Variants in GRM7 observed in about 807,000 individuals in gnomAD.
GRM7 encodes the protein glutamate metabotropic receptor 7, also known as metabotropic glutamate receptor 7.
A neutral mutation model predicts 84.5 loss-of-function variants in GRM7; 35 were observed. The observed-to-expected ratio is 0.41, with a 90% confidence interval of 0.32 to 0.55. GRM7 has a LOEUF of 0.55. Among genes scored for constraint, GRM7 ranks in the 20% least tolerant of loss-of-function variants. The probability of loss-of-function intolerance (pLI) is 0.19; values close to 1 mark genes in which losing one functional copy is unlikely to be tolerated. For missense variants in GRM7, 1,003 were observed against 1,194.6 expected (o/e 0.84, Z 2.36); for synonymous variants, 487 against 455.1 (o/e 1.07, Z -0.89).
intron 2 of GRM7, among the ~76,000 whole-genome samples, chr3:7,263,765 G>A (rs1350492813): frequency 6.6e-6 from 1 of 152,092 alleles, no homozygotes; most frequent in Non-Finnish European, 1.5e-5. Context: ...GACAGGGCTG[G>A]TGCTCTCTAT....
chr3:7,592,604 T>C (rs1448115736), intron 8 of GRM7, among the ~76,000 whole-genome samples: 1 of 152,198 alleles, frequency 6.6e-6, no homozygotes, highest in African/African-American at 2.4e-5. Flanking sequence ...AGGCACAGCA[T>C]GATCTGACAG....
chr3:6,981,550 T>C (rs1298428352), intron 1 of GRM7, among the ~76,000 whole-genome samples: 1 of 152,180 alleles, frequency 6.6e-6, no homozygotes, highest in African/African-American at 2.4e-5. Flanking sequence ...TTACTGAGTG[T>C]CCTGCGGTTC....
chr3:7,081,613 G>A (rs1212165797), intron 1 of GRM7, among the ~76,000 whole-genome samples: 1 of 152,028 alleles, frequency 6.6e-6, no homozygotes, highest in Admixed American at 6.6e-5. Flanking sequence ...TAAATCAACA[G>A]CTAGAAATGA....
Position 7,306,642 on chromosome 3 carries a change from C to G in GRM7, c.1023C>G (p.Ala341=), listed in dbSNP as rs375820498. ...EGAITIQPKR[A]TVEGFDAYFT... is the part of the protein sequence containing the mutation. ...CCATCACCATTCAGCCCAAGCGAGC[C>G]ACGGTGGAAGGTATGGGTTTCATCA... The change falls in exon 4 of 10, where the codon GCC becomes GCG. Residue 341 remains alanine (A), a synonymous_variant. Coordinates refer to ENST00000357716, the MANE Select transcript of GRM7 (RefSeq NM_000844.4). The G allele has an allele frequency of 1.2e-5, 20 of 1,602,626 alleles. No individual in the cohort carries two copies. The African/African-American group carries it at 1.9e-4, about 15-fold the overall frequency.
chr3:6,952,005 C>T (rs1692794006), intron 1 of GRM7, among the ~76,000 whole-genome samples: 1 of 152,042 alleles, frequency 6.6e-6, no homozygotes, highest in African/African-American at 2.4e-5. Context: ...TTTAATGTAA[C>T]CACTTACCTT....
chr3:7,030,198 T>A (rs2124926017), intron 1 of GRM7, among the ~76,000 whole-genome samples: 1 of 151,994 alleles, frequency 6.6e-6, no homozygotes, highest in South Asian at 2.1e-4. Flanking sequence ...GAAAAAGGAG[T>A]ACACTCTATC....
chr3:7,232,562 G>C (rs1207749586), intron 2 of GRM7, among the ~76,000 whole-genome samples: 2 of 152,168 alleles, frequency 1.3e-5, no homozygotes, highest in Non-Finnish European at 2.9e-5. Flanking sequence ...TGTATGATAA[G>C]GATGCAAGTC....
At chr3:6,882,557 AT>A in intron 1 of GRM7, among the ~76,000 whole-genome samples, 1 of 152,228 alleles carries the variant, frequency 6.6e-6, no homozygotes, top group Non-Finnish European at 1.5e-5. Context: ...CAAAAAAAAA[AT>A]AAAAAGTATA....
chr3:7,228,165 C>A (rs1264073776), intron 2 of GRM7, among the ~76,000 whole-genome samples: 28 of 152,050 alleles, frequency 1.8e-4, no homozygotes, highest in Admixed American at 1.8e-3. Flanking sequence ...AAGGTGACCC[C>A]AAATTTGAGG....
chr3:7,577,581 T>G (rs1695027853), intron 7 of GRM7, among the ~76,000 whole-genome samples: 1 of 152,218 alleles, frequency 6.6e-6, no homozygotes. Context: ...CCGTTGTTTC[T>G]AATGCCATTA....
At chr3:7,389,195 C>A (rs1202510360) in intron 4 of GRM7, among the ~76,000 whole-genome samples, 1 of 152,028 alleles carries the variant, frequency 6.6e-6, no homozygotes, top group Non-Finnish European at 1.5e-5. Flanking sequence ...TTGAGAGTTC[C>A]TCTTGGTATT....
chr3:7,392,386 G>A (rs1695036011), intron 4 of GRM7, among the ~76,000 whole-genome samples: 1 of 152,232 alleles, frequency 6.6e-6, no homozygotes, highest in Non-Finnish European at 1.5e-5. Flanking sequence ...TTGCTGCCCA[G>A]TTTTGGCTAT....
chr3:7,105,690 T>G (rs1478115222), intron 1 of GRM7, among the ~76,000 whole-genome samples: 1 of 151,892 alleles, frequency 6.6e-6, no homozygotes, highest in Non-Finnish European at 1.5e-5. Context: ...TTTTCTTTCT[T>G]TCTTTTGAGT....
chr3:7,304,260 C>A (rs1180196298), intron 3 of GRM7, among the ~76,000 whole-genome samples: 9 of 137,254 alleles, frequency 6.6e-5, no homozygotes, highest in Non-Finnish European at 1.4e-4. Flanking sequence ...ATTTTAAAGT[C>A]TTTTTGTCAG....
intron 1 of GRM7, among the ~76,000 whole-genome samples, chr3:7,022,522 T>C (rs567833364): frequency 4.0e-5 from 6 of 151,876 alleles, no homozygotes; most frequent in Admixed American, 2.6e-4. Context: ...ACAATACTTC[T>C]AGTACCCCAA....
At chr3:7,167,707 C>A (rs567390231) in intron 2 of GRM7, among the ~76,000 whole-genome samples, 1 of 152,180 alleles carries the variant, frequency 6.6e-6, no homozygotes, top group Non-Finnish European at 1.5e-5. Context: ...CGGGGGCTCA[C>A]GCCTGTAATC....
chr3:7,103,589 A>G (rs372170502), intron 1 of GRM7, among the ~76,000 whole-genome samples: 51 of 151,814 alleles, frequency 3.4e-4, no homozygotes, highest in African/African-American at 1.2e-3. Context: ...TAATTACAAC[A>G]TTGGGTCTTA....
At chr3:7,047,088 G>A (rs1033146447) in intron 1 of GRM7, among the ~76,000 whole-genome samples, 1 of 151,720 alleles carries the variant, frequency 6.6e-6, no homozygotes, top group Non-Finnish European at 1.5e-5. Context: ...TATATACCAA[G>A]GGCCAGAAGA....
chr3:7,212,476 C>T (rs1163186611), intron 2 of GRM7, among the ~76,000 whole-genome samples: 1 of 152,012 alleles, frequency 6.6e-6, no homozygotes, highest in African/African-American at 2.4e-5. Context: ...TTTGAAGAGA[C>T]ATTAGTGAAA....
Sources: allele counts gnomAD v4.1 joint callset (sites outside exome capture counted in the v4.1 genomes callset), GRCh38; gene constraint gnomAD v4.1.1; transcripts MANE v1.5; gene names NCBI Gene and HGNC (gene_info 2026-07-23, HGNC 2026-07-21).